Variants in SLIT2 observed in about 807,000 individuals in gnomAD.
SLIT2 encodes slit guidance ligand 2.
SLIT2 carries 41 observed loss-of-function variants against 185.7 expected under a neutral mutation model. That is an observed-to-expected ratio of 0.22 (90% CI 0.17 to 0.29). The LOEUF is 0.29. SLIT2 is among the 10% of genes least tolerant of loss of function. The probability of loss-of-function intolerance (pLI) is 1.00; values close to 1 mark genes in which losing one functional copy is unlikely to be tolerated. For synonymous variants in SLIT2, 693 were observed against 680.2 expected (o/e 1.02, Z -0.29); for missense variants, 1,571 against 1,909.0 (o/e 0.82, Z 3.30).
intron 4 of SLIT2, among the ~76,000 whole-genome samples, chr4:20,303,011 CTACAT>C (rs1717198584): frequency 6.6e-6 from 1 of 152,020 alleles, no homozygotes; most frequent in Non-Finnish European, 1.5e-5. Flanking sequence ...ATCCCATTGT[CTACAT>C]TACACTTAAA....
intron 4 of SLIT2, among the ~76,000 whole-genome samples, chr4:20,424,498 A>G (rs2109475903): frequency 6.6e-6 from 1 of 152,246 alleles, no homozygotes; most frequent in South Asian, 2.1e-4. Flanking sequence ...GTTTTTCTCA[A>G]ATACTGTAGT....
intron 4 of SLIT2, among the ~76,000 whole-genome samples, chr4:20,407,005 A>G (rs1726828393): frequency 6.6e-6 from 1 of 151,090 alleles, no homozygotes; most frequent in African/African-American, 2.4e-5. Flanking sequence ...ACAGCAACAC[A>G]AAGTCTTCCA....
chr4:20,390,769 TTTA>T (rs1179056495), intron 4 of SLIT2, among the ~76,000 whole-genome samples: 8 of 143,288 alleles, frequency 5.6e-5, no homozygotes, highest in East Asian at 2.3e-4. Flanking sequence ...ATTTTTTTTT[TTTA>T]AAAAAAAATA....
intron 11 of SLIT2, among the ~76,000 whole-genome samples, chr4:20,514,200 G>T (rs892019166): frequency 3.9e-5 from 6 of 152,092 alleles, no homozygotes; most frequent in Non-Finnish European, 7.4e-5. Flanking sequence ...TACAAGTTTT[G>T]CTTACACCTG....
At chr4:20,303,990 A>G (rs1717303300) in intron 4 of SLIT2, among the ~76,000 whole-genome samples, 1 of 152,240 alleles carries the variant, frequency 6.6e-6, no homozygotes. Context: ...CAGCATGGAA[A>G]ATATTTAAGC....
In SLIT2 at chr4:20,374,369, C is replaced by T. The variant is rs576251174; in HGVS notation, c.396-93383C>T. 5.6e-4 allele frequency among the ~76,000 whole-genome samples: 85 copies of T among 152,208 alleles called. No individual in the cohort carries two copies. The South Asian group carries it at 0.014, about 25-fold the overall frequency. ...AGGACTTCTTAATGAATACATGAAG[C>T]AAAATTGTTCTTTAATCTTTTGCTT... On this transcript the variant is annotated intron_variant, in intron 4 of 36. Coordinates refer to ENST00000504154, the MANE Select transcript of SLIT2 (RefSeq NM_004787.4).
chr4:20,507,258 A>G (rs1188692960), intron 9 of SLIT2, among the ~76,000 whole-genome samples: 2 of 152,024 alleles, frequency 1.3e-5, no homozygotes, highest in African/African-American at 4.8e-5. Flanking sequence ...TTTGGTGACA[A>G]TCATTGAAAT....
intron 30 of SLIT2, among the ~76,000 whole-genome samples, chr4:20,592,425 G>C (rs1215935540): frequency 6.6e-6 from 1 of 152,056 alleles, no homozygotes; most frequent in Non-Finnish European, 1.5e-5. Context: ...AATGTGATAG[G>C]TTTTATTGAT....
chr4:20,401,827 A>G (rs1726387636), intron 4 of SLIT2, among the ~76,000 whole-genome samples: 1 of 151,914 alleles, frequency 6.6e-6, no homozygotes, highest in Non-Finnish European at 1.5e-5. Context: ...AATACAGGGA[A>G]AGCATTTACG....
chr4:20,541,709 C>T, intron 20 of SLIT2, 90 bp downstream of exon 20: 1 of 1,127,274 alleles, frequency 8.9e-7, no homozygotes, highest in Non-Finnish European at 1.3e-6. Context: ...TAGTTCAGCT[C>T]AGCAAATAAT....
intron 5 of SLIT2, among the ~76,000 whole-genome samples, chr4:20,472,345 T>TCTATATATATAG (rs1715293570): frequency 1.8e-5 from 1 of 54,518 alleles, no homozygotes; most frequent in Non-Finnish European, 3.4e-5. Flanking sequence ...GATCTATATA[T>TCTATATATATAG]AGATATAGAT....
At position 20,456,775 on chromosome 4, in the gene SLIT2, G is replaced by A. The variant is rs187643174; in HGVS notation, c.396-10977G>A. Reference sequence around the variant, plus strand: ...TATATCCCTGGACACAGTATTGAGAGAATAAAAGGATTTTAAAGTCCATCA... The same window carrying A: ...TATATCCCTGGACACAGTATTGAGAAAATAAAAGGATTTTAAAGTCCATCA... On this transcript the variant is annotated intron_variant, in intron 4 of 36. Transcript: ENST00000504154. Among the ~76,000 whole-genome samples, 612 of 152,146 alleles carry A rather than the reference G, an allele frequency of 4.0e-3. 2 individuals carry two copies. The highest frequency in any genetic ancestry group is 0.01 in the Middle Eastern group (3 of 294).
At chr4:20,489,314 A>G (rs1188142856) in intron 8 of SLIT2, among the ~76,000 whole-genome samples, 1 of 152,222 alleles carries the variant, frequency 6.6e-6, no homozygotes, top group African/African-American at 2.4e-5. Flanking sequence ...TTATGTTAAC[A>G]ATTGAAAAAA....
At chr4:20,617,954 C>G (rs189187915) in intron 36 of SLIT2, among the ~76,000 whole-genome samples, 2 of 152,274 alleles carry the variant, frequency 1.3e-5, no homozygotes, top group East Asian at 3.9e-4. Flanking sequence ...CTCCTTTTTA[C>G]CTGATGGAGA....
chr4:20,443,798 T>C (rs1368453055), intron 4 of SLIT2, among the ~76,000 whole-genome samples: 1 of 152,098 alleles, frequency 6.6e-6, no homozygotes. Flanking sequence ...AAGAGCCTCA[T>C]CATGTAATAA....
intron 5 of SLIT2, among the ~76,000 whole-genome samples, chr4:20,479,206 TATAA>T (rs1400760082): frequency 2.0e-5 from 3 of 152,202 alleles, no homozygotes; most frequent in Non-Finnish European, 4.4e-5. Flanking sequence ...GAGAACTTCT[TATAA>T]ATGAGATGTG....
intron 21 of SLIT2, among the ~76,000 whole-genome samples, chr4:20,543,096 C>T (rs1052538993): frequency 6.6e-6 from 1 of 151,652 alleles, no homozygotes; most frequent in Non-Finnish European, 1.5e-5. Flanking sequence ...CCTCTGTGAC[C>T]CCTAGGAGAA....
chr4:20,321,737 C>G (rs1306467321), intron 4 of SLIT2, among the ~76,000 whole-genome samples: 1 of 152,172 alleles, frequency 6.6e-6, no homozygotes, highest in Non-Finnish European at 1.5e-5. Flanking sequence ...CCGCCTCATG[C>G]CCAGATTTTT....
Position 20,548,504 on chromosome 4 carries a change from A to G in SLIT2, c.2362A>G (p.Arg788Gly), listed in dbSNP as rs1310219060. Residue 788 changes from arginine to glycine, a missense_variant, in exon 23 of 37, where the codon AGA becomes GGA. Transcript: ENST00000504154. ...CTCTTTTAGAGACTTAAGTAACAAC[A>G]GAATAAGCACGCTTTCTAATCAGAG... ...HLTLIDLSNNRISTLSNQSFS... is the reference protein window; with the variant it reads ...HLTLIDLSNNGISTLSNQSFS... 3.8e-6 allele frequency: 6 copies of G among 1,599,074 alleles called. No individual in the cohort carries two copies. The South Asian group carries it at 5.5e-5, about 15-fold the overall frequency.
Sources: allele counts gnomAD v4.1 joint callset (sites outside exome capture counted in the v4.1 genomes callset), GRCh38; gene constraint gnomAD v4.1.1; transcripts MANE v1.5; gene names NCBI Gene and HGNC (gene_info 2026-07-23, HGNC 2026-07-21).